IGF1R: variants seen among roughly 807,000 people sequenced by gnomAD.
IGF1R encodes the protein insulin-like growth factor 1 receptor.
A neutral mutation model predicts 144.6 loss-of-function variants in IGF1R; 44 were observed. That is an observed-to-expected ratio of 0.30 (90% CI 0.24 to 0.39). IGF1R has a LOEUF of 0.39. Ranked by LOEUF, IGF1R falls within the 10% of genes least tolerant of loss-of-function variation. The pLI, the probability that IGF1R is intolerant of heterozygous loss-of-function variation, is 1.00. For synonymous variants in IGF1R, 795 were observed against 722.8 expected, an observed-to-expected ratio of 1.10 and a Z score of -1.60; for missense variants, 1,355 against 1,833.7, an observed-to-expected ratio of 0.74 and a Z score of 4.77.
chr15:98,806,407 C>A (rs1439411310), intron 2 of IGF1R, among the ~76,000 whole-genome samples: 4 of 152,166 alleles, frequency 2.6e-5, no homozygotes, highest in Non-Finnish European at 5.9e-5. Context: ...GCCCCCCAGC[C>A]TCCCTTGTCA....
At chr15:98,874,230 A>G (rs2012935053) in intron 2 of IGF1R, among the ~76,000 whole-genome samples, 2 of 152,216 alleles carry the variant, frequency 1.3e-5, no homozygotes, top group Non-Finnish European at 2.9e-5. Context: ...AGCAGAAGAA[A>G]AAAGTGGACT....
chr15:98,955,863 C>G lies in IGF1R; in HGVS notation c.3723-1198C>G, dbSNP rs373389318. Reference sequence around the variant, plus strand: ...TTGAGTTTCCTAGATGTGGAGAGTTCTGTGTGGCCACTTTTATGGAAAAGC... The same window carrying G: ...TTGAGTTTCCTAGATGTGGAGAGTTGTGTGTGGCCACTTTTATGGAAAAGC... On this transcript the variant is annotated intron_variant, in intron 20 of 20. Transcript: ENST00000650285. 1.7e-4 allele frequency among the ~76,000 whole-genome samples: 26 copies of G among 152,322 alleles called. No homozygotes were observed. The South Asian group carries it at 4.3e-3, about 25-fold the overall frequency.
At position 98,918,178 on chromosome 15, in the gene IGF1R, C is replaced by G. The variant is rs1203392012; in HGVS notation, c.2201+1302C>G. On this transcript the variant is annotated intron_variant, in intron 10 of 20. Coordinates refer to ENST00000650285, the MANE Select transcript of IGF1R (RefSeq NM_000875.5). ...ATAGTGCAGATTTTGGAAACGACCT[C>G]ATGCCTGAAAACTAGGCCAAGGAGT... Among the ~76,000 whole-genome samples, 3 of 152,162 alleles carry G rather than the reference C, an allele frequency of 2.0e-5. No individual in the cohort carries two copies. In the East Asian group the frequency reaches 5.8e-4, roughly 29 times the overall value.
intron 2 of IGF1R, among the ~76,000 whole-genome samples, chr15:98,803,608 C>A (rs571828807): frequency 6.6e-6 from 1 of 151,988 alleles, no homozygotes; most frequent in African/African-American, 2.4e-5. Context: ...AAGGCTCAAG[C>A]GATCCTCTTA....
chr15:98,892,531 A>G (rs2013978062), intron 3 of IGF1R, among the ~76,000 whole-genome samples: 1 of 151,564 alleles, frequency 6.6e-6, no homozygotes, highest in African/African-American at 2.4e-5. Flanking sequence ...TGTCTCCAAA[A>G]AAAAAAAAAA....
chr15:98,649,689 C>G lies in IGF1R; in HGVS notation c.94+14C>G. The G allele has an allele frequency of 6.3e-7, 1 of 1,593,818 alleles. No homozygotes were observed. The highest frequency in any genetic ancestry group is 1.1e-5 in the South Asian group (1 of 90,236). ...CGAGTGGAGAAAGTGAGTATGTGCCCGCCGCCCGCGGCCACTGCGGGAACT... is the reference window on the plus strand; with the variant it reads ...CGAGTGGAGAAAGTGAGTATGTGCCGGCCGCCCGCGGCCACTGCGGGAACT... On this transcript the variant is annotated intron_variant, in intron 1 of 20. Transcript: ENST00000650285.
In IGF1R at chr15:98,907,356, A is replaced by G. The variant is rs192044083; in HGVS notation, c.1248-1329A>G. On this transcript the variant is annotated intron_variant, in intron 5 of 20. Transcript: ENST00000650285. ...CTCACCAGATGCAGAGAGATCCCCA[A>G]TGGACATAGCCTCCAGGGCAGACGA... Among the ~76,000 whole-genome samples the G allele has an allele frequency of 2.6e-3, 391 of 151,846 alleles. 2 individuals carry two copies. Among genetic ancestry groups the G allele is most frequent in the African/African-American group, 8.4e-3 (346 of 41,114 alleles).
At chr15:98,911,480 G>A in intron 7 of IGF1R, 39 bp downstream of exon 7, 1 of 1,613,600 alleles carries the variant, frequency 6.2e-7, no homozygotes, top group East Asian at 2.2e-5. Context: ...CTGTTGACAG[G>A]GCTACGAATG....
intron 20 of IGF1R, among the ~76,000 whole-genome samples, chr15:98,950,567 G>T (rs895705051): frequency 1.3e-5 from 2 of 152,212 alleles, no homozygotes; most frequent in Non-Finnish European, 2.9e-5. Context: ...CACAGTCCTT[G>T]CCATATACAG....
intron 13 of IGF1R, among the ~76,000 whole-genome samples, chr15:98,928,772 G>C (rs1358059899): frequency 6.6e-6 from 1 of 152,086 alleles, no homozygotes; most frequent in Admixed American, 6.5e-5. Flanking sequence ...CAGGGTATGG[G>C]TCCATGTGCC....
chr15:98,766,130 A>G (rs1470171910), intron 2 of IGF1R, among the ~76,000 whole-genome samples: 1 of 152,214 alleles, frequency 6.6e-6, no homozygotes, highest in Non-Finnish European at 1.5e-5. Flanking sequence ...GAGCAGTTCA[A>G]GGCCGTCAAG....
At chr15:98,670,280 G>A (rs897716628) in intron 1 of IGF1R, among the ~76,000 whole-genome samples, 3 of 152,100 alleles carry the variant, frequency 2.0e-5, no homozygotes, top group African/African-American at 7.2e-5. Flanking sequence ...GAGGGATCTT[G>A]GAGGTCTCCT....
rs527552906 is a variant in IGF1R at position 98,710,175 on chromosome 15, T to C, written c.640+2068T>C. 3.9e-5 allele frequency among the ~76,000 whole-genome samples: 6 copies of C among 152,308 alleles called. No homozygotes were observed. In the South Asian group the frequency reaches 6.2e-4, roughly 16 times the overall value. On this transcript the variant is annotated intron_variant, in intron 2 of 20. Transcript: ENST00000650285. ...ACAGACAGAGCCTTGATATCACCTG[T>C]TGGTTGGTCACCTGCTTCCCCAAGG...
chr15:98,911,251 C>T, intron 6 of IGF1R, 64 bp from the exon 7 acceptor site: 1 of 1,604,806 alleles, frequency 6.2e-7, no homozygotes, highest in South Asian at 1.1e-5. Flanking sequence ...CAGTGCCAAG[C>T]AAGACAGGTG....
At chr15:98,700,250 G>T (rs1356700783) in intron 1 of IGF1R, among the ~76,000 whole-genome samples, 1 of 152,086 alleles carries the variant, frequency 6.6e-6, no homozygotes, top group Non-Finnish European at 1.5e-5. Context: ...ATACTAGGGA[G>T]AGTCTGTCTC....
At chr15:98,922,063 G>A (rs762525635) in intron 10 of IGF1R, 85 bp from the exon 11 acceptor site, 538 of 1,478,914 alleles carry the variant, frequency 3.6e-4, no homozygotes, top group Non-Finnish European at 4.8e-4. Context: ...CCACGGTTAA[G>A]ATTCTTCTGT....
intron 2 of IGF1R, among the ~76,000 whole-genome samples, chr15:98,842,694 C>G (rs534473054): frequency 3.9e-5 from 6 of 152,318 alleles, no homozygotes; most frequent in African/African-American, 1.4e-4. Context: ...GATCCTTGTT[C>G]TCTAGGCCAG....
intron 2 of IGF1R, among the ~76,000 whole-genome samples, chr15:98,822,257 C>G (rs2684763): frequency 0.057 from 8,720 of 152,158 alleles, 433 homozygotes; most frequent in East Asian, 0.15. Flanking sequence ...GCACAGTCCT[C>G]GCCCTACCTC....
At chr15:98,684,166 C>T (rs1267853341) in intron 1 of IGF1R, among the ~76,000 whole-genome samples, 1 of 152,188 alleles carries the variant, frequency 6.6e-6, no homozygotes, top group Non-Finnish European at 1.5e-5. Flanking sequence ...AGTGAGACAA[C>T]TTCTGCCTAA....
Sources: allele counts gnomAD v4.1 joint callset (sites outside exome capture counted in the v4.1 genomes callset), GRCh38; gene constraint gnomAD v4.1.1; transcripts MANE v1.5; gene names NCBI Gene and HGNC (gene_info 2026-07-23, HGNC 2026-07-21).